The following SLC35F2 variants were observed in gnomAD, a reference collection of about 807,000 sequenced individuals.
The protein encoded by SLC35F2 is solute carrier family 35 member F2, also known as queuine/queuosine transporter SLC35F2.
Under a neutral mutation model 38.1 loss-of-function variants are expected in SLC35F2, and 25 were observed. The observed-to-expected ratio is 0.66, with a 90% confidence interval of 0.48 to 0.92. SLC35F2 has a LOEUF of 0.92. Among genes scored for constraint, SLC35F2 ranks in the 40% least tolerant of loss-of-function variants. SLC35F2 has a pLI of 0.00. For missense variants in SLC35F2, 409 were observed against 452.9 expected (o/e 0.90, Z 0.88); for synonymous variants, 173 against 181.7 (o/e 0.95, Z 0.38).
intron 1 of SLC35F2, among the ~76,000 whole-genome samples, chr11:107,827,769 T>G (rs1234988779): frequency 6.8e-6 from 1 of 146,860 alleles, no homozygotes. Flanking sequence ...AAAAATTAGC[T>G]GGGCGTGGTG....
At chr11:107,810,898 G>A in intron 3 of SLC35F2, 3 of 980,186 alleles carry the variant, frequency 3.1e-6, no homozygotes, top group Non-Finnish European at 3.6e-6. Context: ...GTGAGAAAGG[G>A]ACATATCAAA....
At position 107,792,668 on chromosome 11, in the gene SLC35F2, G is replaced by T. The variant is rs748744667; in HGVS notation, c.1072C>A (p.Leu358Met). Residue 358 changes from leucine to methionine, a missense_variant, in exon 8 of 8, where the codon CTG (leucine) becomes ATG (methionine). By Grantham distance (15) the Leu-to-Met change is conservative. Coordinates refer to ENST00000525815, the MANE Select transcript of SLC35F2 (RefSeq NM_017515.5). Reference protein sequence around the residue: ...PPVTSIGIDNLGLKLEENLQE... With the variant: ...PPVTSIGIDNMGLKLEENLQE... ...AGGTTCTCCTCCAGCTTCAGCCCCA[G>T]GTTGTCAATCCCAATGCTGGTGACT... 1 of 1,613,832 alleles carries T rather than the reference G, an allele frequency of 6.2e-7. No individual in the cohort carries two copies. The highest frequency in any genetic ancestry group is 8.5e-7 in the Non-Finnish European group (1 of 1,179,912).
intron 3 of SLC35F2, among the ~76,000 whole-genome samples, chr11:107,807,818 G>A (rs1201621669): frequency 1.3e-5 from 2 of 152,204 alleles, no homozygotes; most frequent in East Asian, 3.9e-4. Flanking sequence ...CAGGTGATCT[G>A]TCTGCCTCGG....
chr11:107,826,094 G>A (rs1373133098), intron 1 of SLC35F2, among the ~76,000 whole-genome samples: 1 of 152,102 alleles, frequency 6.6e-6, no homozygotes. Flanking sequence ...TGGGAGACTA[G>A]CTGAATAAAC....
intron 1 of SLC35F2, among the ~76,000 whole-genome samples, chr11:107,828,237 C>T (rs1043098834): frequency 1.3e-5 from 2 of 152,050 alleles, no homozygotes; most frequent in African/African-American, 4.8e-5. Flanking sequence ...AAGTTCAAGA[C>T]CAGCCTGGCC....
At chr11:107,828,260 C>A (rs571330426) in intron 1 of SLC35F2, among the ~76,000 whole-genome samples, 10 of 152,164 alleles carry the variant, frequency 6.6e-5, no homozygotes, top group Admixed American at 3.9e-4. Context: ...CATGGTGAAA[C>A]CACGTCTCTA....
intron 2 of SLC35F2, 126 bp downstream of exon 2, chr11:107,815,664 A>G: frequency 2.7e-6 from 3 of 1,122,856 alleles, no homozygotes; most frequent in Non-Finnish European, 3.8e-6. Context: ...ACTTTAATCA[A>G]CAATTTCAGA....
chr11:107,853,677 G>A (rs1412434707), intron 1 of SLC35F2, among the ~76,000 whole-genome samples: 4 of 131,884 alleles, frequency 3.0e-5, no homozygotes, highest in Admixed American at 9.7e-5. Flanking sequence ...CCGAGATCGC[G>A]CCACTGCACT....
chr11:107,812,145 ATCTGCCTGCCTCAGCT>A (rs560398918), intron 2 of SLC35F2, among the ~76,000 whole-genome samples: 317 of 152,200 alleles, frequency 2.1e-3, no homozygotes, highest in Middle Eastern at 6.8e-3. Flanking sequence ...AGCTCAAGTG[ATCTGCCTGCCTCAGCT>A]TCCCAAAGTG....
At chr11:107,816,447 ATT>A (rs5794572) in intron 1 of SLC35F2, among the ~76,000 whole-genome samples, 5 of 118,298 alleles carry the variant, frequency 4.2e-5, no homozygotes, top group Admixed American at 9.1e-5. Context: ...TGCCCAGCTA[ATT>A]TTTTTTTTTT....
At position 107,791,901 on chromosome 11, in the gene SLC35F2, T is replaced by A. The variant is rs1345809239; in HGVS notation, c.*714A>T. On this transcript the variant is annotated 3_prime_UTR_variant, in exon 8 of 8. Transcript: ENST00000525815. Reference sequence around the variant, plus strand: ...GGCCACATGCTTTTGTAATCCCAGCTACTAACACTTGAATCCAGGAGGCAG... The same window carrying A: ...GGCCACATGCTTTTGTAATCCCAGCAACTAACACTTGAATCCAGGAGGCAG... 1 of 145,904 alleles carries A rather than the reference T, an allele frequency of 6.9e-6. No individual in the cohort carries two copies. Among genetic ancestry groups the A allele is most frequent in the Admixed American group, 7.9e-5 (1 of 12,676 alleles). 9.0% of individuals were successfully genotyped at this position (145,904 alleles called of 1,614,324 possible).
intron 1 of SLC35F2, among the ~76,000 whole-genome samples, chr11:107,852,675 C>T (rs1860205401): frequency 6.6e-6 from 1 of 152,000 alleles, no homozygotes; most frequent in East Asian, 1.9e-4. Flanking sequence ...AGTTCAAGAC[C>T]AGCCTAGCCA....
At chr11:107,854,270 GAA>G (rs34425904) in intron 1 of SLC35F2, among the ~76,000 whole-genome samples, 4 of 142,006 alleles carry the variant, frequency 2.8e-5, no homozygotes, top group Non-Finnish European at 6.1e-5. Flanking sequence ...TGTCTCTACG[GAA>G]AAAAAAAAAA....
intron 7 of SLC35F2, among the ~76,000 whole-genome samples, chr11:107,799,043 T>G (rs533853706): frequency 2.6e-4 from 39 of 152,162 alleles, no homozygotes; most frequent in Non-Finnish European, 5.1e-4. Context: ...ACCACTGCAC[T>G]CCAGCCTGGG....
intron 1 of SLC35F2, among the ~76,000 whole-genome samples, chr11:107,831,351 GC>G (rs1273920530): frequency 2.6e-5 from 4 of 152,192 alleles, no homozygotes; most frequent in Admixed American, 6.5e-5. Flanking sequence ...CTACCACATA[GC>G]TGGGACTACA....
chr11:107,822,950 T>C (rs766956988), intron 1 of SLC35F2, among the ~76,000 whole-genome samples: 3 of 152,056 alleles, frequency 2.0e-5, no homozygotes, highest in Admixed American at 6.6e-5. Flanking sequence ...TATATATATA[T>C]ATGAGACACA....
At chr11:107,801,693 T>C (rs544175636) in intron 7 of SLC35F2, among the ~76,000 whole-genome samples, 2 of 151,542 alleles carry the variant, frequency 1.3e-5, no homozygotes, top group Admixed American at 1.3e-4. Flanking sequence ...AAATTAGCTG[T>C]GAAGTTGGAA....
At chr11:107,847,738 T>C (rs910783956) in intron 1 of SLC35F2, among the ~76,000 whole-genome samples, 6 of 152,130 alleles carry the variant, frequency 3.9e-5, no homozygotes, top group African/African-American at 1.4e-4. Flanking sequence ...GGGAAGAAGA[T>C]TTCCTAAGTT....
chr11:107,803,957 C>A (rs1859356790), intron 6 of SLC35F2, among the ~76,000 whole-genome samples: 1 of 151,646 alleles, frequency 6.6e-6, no homozygotes, highest in Non-Finnish European at 1.5e-5. Flanking sequence ...TCCCGAGTAG[C>A]TGAGATTATA....
Sources: allele counts gnomAD v4.1 joint callset (sites outside exome capture counted in the v4.1 genomes callset), GRCh38; gene constraint gnomAD v4.1.1; transcripts MANE v1.5; gene names NCBI Gene and HGNC (gene_info 2026-07-23, HGNC 2026-07-21).